The following GRM1 variants were observed in gnomAD, a reference collection of about 807,000 sequenced individuals.
The protein encoded by GRM1 is metabotropic glutamate receptor 1.
In GRM1, 33 loss-of-function variants were observed where a neutral mutation model predicts 90.9. The observed-to-expected ratio is 0.36, with a 90% CI of 0.28 to 0.49. The LOEUF (loss-of-function observed/expected upper bound fraction) is 0.49. Ranked by LOEUF, GRM1 falls within the 20% of genes least tolerant of loss-of-function variation. The pLI is 0.99. For missense variants in GRM1, 1,190 were observed against 1,534.3 expected, an observed-to-expected ratio of 0.78 and a Z score of 3.75; for synonymous variants, 700 against 613.2, an observed-to-expected ratio of 1.14 and a Z score of -2.09.
At position 146,235,571 on chromosome 6, in the gene GRM1, G is replaced by A. The variant is rs1583202573; in HGVS notation, c.951-69040G>A. ...TTTTTTCACAGATTTTGAATATTCTGTTTTTTTCTTCCTTGTGTTCAGTTT... is the reference window on the plus strand; with the variant it reads ...TTTTTTCACAGATTTTGAATATTCTATTTTTTTCTTCCTTGTGTTCAGTTT... On this transcript the variant is annotated intron_variant, in intron 2 of 7. Transcript: ENST00000282753. 3.3e-5 allele frequency among the ~76,000 whole-genome samples: 5 copies of A among 151,702 alleles called. 1 individual carries two copies. Among genetic ancestry groups the A allele is most frequent in the Admixed American group, 3.3e-4 (5 of 15,208 alleles).
intron 1 of GRM1, among the ~76,000 whole-genome samples, chr6:146,066,903 G>T (rs556435090): frequency 3.9e-5 from 6 of 152,106 alleles, no homozygotes; most frequent in Admixed American, 3.9e-4. Flanking sequence ...ATTAATGGTT[G>T]TATGATACTC....
intron 2 of GRM1, among the ~76,000 whole-genome samples, chr6:146,204,729 G>A (rs936979920): frequency 6.6e-6 from 1 of 152,186 alleles, no homozygotes; most frequent in Non-Finnish European, 1.5e-5. Context: ...GAACTTTAAA[G>A]CAATTTAGAA....
Position 146,330,585 on chromosome 6 carries a change from A to G in GRM1, c.1187-21665A>G, listed in dbSNP as rs1784554774. Among the ~76,000 whole-genome samples the G allele has an allele frequency of 2.0e-5, 3 of 152,144 alleles. No homozygotes were observed. In the South Asian group the frequency reaches 6.2e-4, roughly 32 times the overall value. On this transcript the variant is annotated intron_variant, in intron 3 of 7. Coordinates refer to ENST00000282753, the MANE Select transcript of GRM1 (RefSeq NM_001278064.2). ...AAAAATCTTTTTCTCTTCCCATTGT[A>G]TCTGTAGCCCTTCCCTTATCTTCTC...
intron 7 of GRM1, chr6:146,426,522 C>T: frequency 6.3e-7 from 1 of 1,588,990 alleles, no homozygotes; most frequent in Non-Finnish European, 8.6e-7. Flanking sequence ...GTATAACCCC[C>T]TCGCTCACTG....
At chr6:146,119,802 C>G (rs562026905) in intron 1 of GRM1, among the ~76,000 whole-genome samples, 137 of 152,212 alleles carry the variant, frequency 9.0e-4, no homozygotes, top group African/African-American at 3.2e-3. Context: ...TGGTCTATGT[C>G]TCTGTTTTGG....
intron 3 of GRM1, among the ~76,000 whole-genome samples, chr6:146,334,105 G>A (rs1784680088): frequency 6.6e-6 from 1 of 152,054 alleles, no homozygotes; most frequent in Non-Finnish European, 1.5e-5. Context: ...GAACTTATTT[G>A]CCTGTGCCTG....
At chr6:146,074,568 A>G (rs1235792900) in intron 1 of GRM1, among the ~76,000 whole-genome samples, 1 of 152,148 alleles carries the variant, frequency 6.6e-6, no homozygotes. Flanking sequence ...TCCTGTGCCC[A>G]GGATTGCAGT....
chr6:146,221,128 G>A (rs572893411), intron 2 of GRM1, among the ~76,000 whole-genome samples: 2 of 152,220 alleles, frequency 1.3e-5, no homozygotes, highest in South Asian at 4.1e-4. Context: ...ACAACCCAAA[G>A]CCACTCAACA....
In GRM1 at chr6:146,294,197, T is replaced by TA. The variant is rs1269363205; in HGVS notation, c.951-10408dup. Reference sequence around the variant, plus strand: ...ATTTATTTTCAGCTTTTCTCTTTTTTAAAAAATATAAGCATTTCTGGGAAT... The same window carrying TA: ...ATTTATTTTCAGCTTTTCTCTTTTTTAAAAAAATATAAGCATTTCTGGGAAT... On this transcript the variant is annotated intron_variant, in intron 2 of 7. Transcript: ENST00000282753. Among the ~76,000 whole-genome samples, 31 of 151,972 alleles carry TA rather than the reference T, an allele frequency of 2.0e-4. 1 individual carries two copies. Among genetic ancestry groups the TA allele is most frequent in the Admixed American group, 1.9e-3 (29 of 15,268 alleles).
intron 5 of GRM1, among the ~76,000 whole-genome samples, chr6:146,378,816 G>A (rs1043032940): frequency 6.6e-6 from 1 of 152,136 alleles, no homozygotes; most frequent in African/African-American, 2.4e-5. Context: ...AGGGGCCAGG[G>A]AGGTAATTGA....
intron 1 of GRM1, among the ~76,000 whole-genome samples, chr6:146,106,189 T>G (rs1775291998): frequency 6.6e-6 from 1 of 152,228 alleles, no homozygotes; most frequent in Non-Finnish European, 1.5e-5. Flanking sequence ...TTGTAAAATG[T>G]GATTAGAACA....
intron 1 of GRM1, among the ~76,000 whole-genome samples, chr6:146,092,245 A>T (rs1776738978): frequency 6.6e-6 from 1 of 152,004 alleles, no homozygotes; most frequent in Admixed American, 6.6e-5. Context: ...ATGACCAGAG[A>T]GTGAGCTCTA....
chr6:146,041,035 C>A (rs1356262316), intron 1 of GRM1, among the ~76,000 whole-genome samples: 1 of 151,684 alleles, frequency 6.6e-6, no homozygotes, highest in Admixed American at 6.6e-5. Context: ...TGTTTTAACC[C>A]TCTGATGCAT....
Position 146,029,422 on chromosome 6 carries a change from G to GGCGAGA in GRM1, c.-93_-92insAGAGCG, listed in dbSNP as rs1790628217. 1 of 953,290 alleles carries GGCGAGA rather than the reference G, an allele frequency of 1.0e-6. No individual in the cohort carries two copies. The highest frequency in any genetic ancestry group is 1.7e-5 in the Admixed American group (1 of 58,930). The allele number at this position is 953,290 out of a possible 1,614,324, so 59.1% of individuals were successfully genotyped here. On this transcript the variant is annotated 5_prime_UTR_variant, in exon 1 of 8. Transcript: ENST00000282753. ...TGGCGAGGGGCACCACTCCGGGAGA[G>GGCGAGA]GCGGCGCTGGGCGTCTTGGGGGTGC...
At chr6:146,397,270 C>G (rs543280616) in intron 6 of GRM1, among the ~76,000 whole-genome samples, 1 of 151,540 alleles carries the variant, frequency 6.6e-6, no homozygotes, top group Admixed American at 6.6e-5. Flanking sequence ...ATCAGGAGAT[C>G]GAGAACATCC....
intron 6 of GRM1, among the ~76,000 whole-genome samples, chr6:146,397,202 G>A (rs1776972529): frequency 1.3e-5 from 2 of 151,996 alleles, no homozygotes. Context: ...ACAAAAGCTG[G>A]CTGGGTGTGG....
rs112213125 is a variant in GRM1, at chr6:146,073,299, T to G, written c.700+43082T>G. 5.7e-3 allele frequency among the ~76,000 whole-genome samples: 867 copies of G among 152,100 alleles called. 6 individuals carry two copies. The highest frequency in any genetic ancestry group is 0.02 in the African/African-American group (829 of 41,518). On this transcript the variant is annotated intron_variant, in intron 1 of 7. Coordinates refer to ENST00000282753, the MANE Select transcript of GRM1 (RefSeq NM_001278064.2). ...TAGAAGGGGGCTGAGGCTTAAGAAG[T>G]CAAAACATTTTCAATGTGGGTTAGA...
At position 146,216,626 on chromosome 6, in the gene GRM1, A is replaced by T. The variant is rs1583177013; in HGVS notation, c.950+57029A>T. On this transcript the variant is annotated intron_variant, in intron 2 of 7. Coordinates refer to ENST00000282753, the MANE Select transcript of GRM1 (RefSeq NM_001278064.2). ...CTACACAATTTAACAGTGTAACAGA[A>T]ACTGGGGCTAATGCAAACTGTGGCT... Among the ~76,000 whole-genome samples the T allele has an allele frequency of 2.6e-5, 4 of 152,348 alleles. No individual in the cohort carries two copies. The East Asian group carries it at 7.7e-4, about 29-fold the overall frequency.
intron 1 of GRM1, among the ~76,000 whole-genome samples, chr6:146,081,726 T>C (rs568300217): frequency 1.8e-4 from 28 of 152,284 alleles, no homozygotes; most frequent in Non-Finnish European, 3.2e-4. Context: ...CATTAAGCAG[T>C]GTATAATAGG....
Sources: gnomAD v4.1 joint callset for allele counts (sites outside exome capture counted in the v4.1 genomes callset) on GRCh38, gnomAD v4.1.1 for gene constraint, MANE v1.5 for transcripts, NCBI Gene and HGNC (gene_info 2026-07-23, HGNC 2026-07-21) for gene names.